RBFOX1: variants seen among roughly 807,000 people sequenced by gnomAD.
RBFOX1 encodes RNA binding fox-1 homolog 1, also known as RNA binding protein fox-1 homolog 1.
RBFOX1 carries 8 observed loss-of-function variants against 57.7 expected under a neutral mutation model. That is an observed-to-expected ratio of 0.14 (90% CI 0.08 to 0.25). RBFOX1 has a LOEUF of 0.25. RBFOX1 is among the 10% of genes least tolerant of loss of function. The pLI, the probability that RBFOX1 is intolerant of heterozygous loss-of-function variation, is 1.00. For missense variants in RBFOX1, 611 were observed against 548.5 expected (o/e 1.11, Z -1.14); for synonymous variants, 326 against 222.4 (o/e 1.47, Z -4.15).
intron 4 of RBFOX1, among the ~76,000 whole-genome samples, chr16:7,109,942 TA>T (rs1249418781): frequency 2.0e-5 from 3 of 151,764 alleles, no homozygotes; most frequent in Non-Finnish European, 1.5e-5. Flanking sequence ...AATATACAAT[TA>T]AAAACTGTGA....
rs534725724 is a variant in RBFOX1 at position 5,663,514 on chromosome 16, T to G, written c.318+64553T>G. 2.0e-5 allele frequency among the ~76,000 whole-genome samples: 3 copies of G among 152,292 alleles called. No homozygotes were observed. In the South Asian group the frequency reaches 6.2e-4, roughly 32 times the overall value. ...GCTACCACACCTGGCTGAAAAATCCTATTGAATAGCCAATTGAAATAGCTT... is the reference window on the plus strand; with the variant it reads ...GCTACCACACCTGGCTGAAAAATCCGATTGAATAGCCAATTGAAATAGCTT... On this transcript the variant is annotated intron_variant, in intron 3 of 19. Coordinates refer to the RBFOX1 transcript ENST00000641259.
chr16:7,038,204 C>G (rs973576631), intron 3 of RBFOX1, among the ~76,000 whole-genome samples: 2 of 152,048 alleles, frequency 1.3e-5, no homozygotes, highest in African/African-American at 4.8e-5. Context: ...TCCCAGGAGA[C>G]CGGTTCAGGG....
intron 14 of RBFOX1, among the ~76,000 whole-genome samples, chr16:7,702,120 G>A (rs896575871): frequency 1.3e-5 from 2 of 152,112 alleles, no homozygotes; most frequent in African/African-American, 4.8e-5. Context: ...TTCTCAAATG[G>A]ATGCGCACTG....
intron 3 of RBFOX1, among the ~76,000 whole-genome samples, chr16:5,787,083 G>A (rs1447793871): frequency 6.6e-6 from 1 of 152,176 alleles, no homozygotes; most frequent in Non-Finnish European, 1.5e-5. Context: ...GCAGTGTGCT[G>A]AGATTGCGCC....
chr16:6,757,685 G>A (rs1436173682), intron 3 of RBFOX1, among the ~76,000 whole-genome samples: 5 of 152,112 alleles, frequency 3.3e-5, no homozygotes, highest in Non-Finnish European at 7.4e-5. Context: ...TGATTAATAA[G>A]TACAAACATA....
chr16:7,706,528 T>A (rs1568591324), intron 14 of RBFOX1, among the ~76,000 whole-genome samples: 1 of 152,138 alleles, frequency 6.6e-6, no homozygotes, highest in Non-Finnish European at 1.5e-5. Context: ...CCATATAGTG[T>A]CTCCCCAGAA....
rs1185241882 is a variant in RBFOX1 at position 6,621,862 on chromosome 16, C to A, written c.-63-32741C>A. On this transcript the variant is annotated intron_variant, in intron 2 of 15. Transcript: ENST00000550418. Reference sequence around the variant, plus strand: ...AACCTATTGAGAGACGCTTGACGAACAAGGTTTGTGCTCAGTGTGTTAAGT... The same window carrying A: ...AACCTATTGAGAGACGCTTGACGAAAAAGGTTTGTGCTCAGTGTGTTAAGT... Among the ~76,000 whole-genome samples the A allele has an allele frequency of 2.0e-5, 3 of 152,186 alleles. No homozygotes were observed. In the East Asian group the frequency reaches 5.8e-4, roughly 29 times the overall value.
At chr16:5,620,859 T>C (rs924364064) in intron 3 of RBFOX1, among the ~76,000 whole-genome samples, 11 of 152,032 alleles carry the variant, frequency 7.2e-5, no homozygotes, top group Non-Finnish European at 1.6e-4. Flanking sequence ...TTGTATTTTT[T>C]TGAGACAGAG....
intron 2 of RBFOX1, among the ~76,000 whole-genome samples, chr16:6,432,727 C>T (rs1047917631): frequency 1.3e-5 from 2 of 151,986 alleles, no homozygotes; most frequent in African/African-American, 2.4e-5. Flanking sequence ...TGTCTGTAAT[C>T]CCAGCACTTT....
At chr16:6,709,317 C>G (rs184530381) in intron 3 of RBFOX1, among the ~76,000 whole-genome samples, 1 of 152,072 alleles carries the variant, frequency 6.6e-6, no homozygotes, top group African/African-American at 2.4e-5. Flanking sequence ...GAGCTAAATT[C>G]TCCGAGATTA....
At chr16:6,439,900 T>C (rs563251582) in intron 2 of RBFOX1, among the ~76,000 whole-genome samples, 2 of 151,830 alleles carry the variant, frequency 1.3e-5, no homozygotes, top group Admixed American at 1.3e-4. Context: ...AAAATTTCAA[T>C]GAAAATGCAA....
intron 5 of RBFOX1, among the ~76,000 whole-genome samples, chr16:7,550,843 G>A (rs769290131): frequency 5.9e-5 from 9 of 151,912 alleles, no homozygotes; most frequent in South Asian, 2.1e-4. Context: ...CCCATAATCC[G>A]AACGCTTTGA....
chr16:6,754,576 C>T (rs2075479442), intron 3 of RBFOX1, among the ~76,000 whole-genome samples: 1 of 152,092 alleles, frequency 6.6e-6, no homozygotes, highest in African/African-American at 2.4e-5. Flanking sequence ...ACAAATTGGC[C>T]TCCACTAATT....
intron 4 of RBFOX1, among the ~76,000 whole-genome samples, chr16:7,085,107 G>A (rs970061150): frequency 6.6e-6 from 1 of 152,132 alleles, no homozygotes; most frequent in African/African-American, 2.4e-5. Flanking sequence ...TTGTGTGTGT[G>A]TGTGTGTTTG....
chr16:6,804,331 G>A (rs561670233), intron 3 of RBFOX1, among the ~76,000 whole-genome samples: 1 of 151,980 alleles, frequency 6.6e-6, no homozygotes, highest in Admixed American at 6.6e-5. Flanking sequence ...TTTAACTCCA[G>A]GGTAAATTGA....
intron 3 of RBFOX1, among the ~76,000 whole-genome samples, chr16:6,798,181 TCTC>T (rs1178118328): frequency 1.3e-5 from 2 of 152,138 alleles, no homozygotes; most frequent in African/African-American, 2.4e-5. Flanking sequence ...TCTAGTCTCT[TCTC>T]TGGTCGTGTC....
At chr16:7,084,154 GT>G (rs1361566022) in intron 4 of RBFOX1, among the ~76,000 whole-genome samples, 4 of 152,154 alleles carry the variant, frequency 2.6e-5, no homozygotes, top group Non-Finnish European at 5.9e-5. Flanking sequence ...AAGGACTGTG[GT>G]AAACAGGAGA....
At chr16:7,438,821 G>T (rs1231558280) in intron 4 of RBFOX1, among the ~76,000 whole-genome samples, 1 of 152,240 alleles carries the variant, frequency 6.6e-6, no homozygotes, top group South Asian at 2.1e-4. Context: ...GCCCAACCTA[G>T]ACTTTCAACC....
In RBFOX1 at chr16:6,919,009, G is replaced by A. The variant is rs151155087; in HGVS notation, c.-15-133048G>A. Reference sequence around the variant, plus strand: ...TGTTTGTTTGTTTTTGAGGCAGAGTGTTGCTCATTCATCCAGGCTGGAGTG... The same window carrying A: ...TGTTTGTTTGTTTTTGAGGCAGAGTATTGCTCATTCATCCAGGCTGGAGTG... On this transcript the variant is annotated intron_variant, in intron 3 of 15. Transcript: ENST00000550418. 2.4e-3 allele frequency among the ~76,000 whole-genome samples: 362 copies of A among 152,254 alleles called. 3 individuals carry two copies. Among genetic ancestry groups the A allele is most frequent in the Admixed American group, 0.019 (289 of 15,282 alleles).
Sources: gnomAD v4.1 joint callset for allele counts (sites outside exome capture counted in the v4.1 genomes callset) on GRCh38, gnomAD v4.1.1 for gene constraint, MANE v1.5 for transcripts, NCBI Gene and HGNC (gene_info 2026-07-23, HGNC 2026-07-21) for gene names.